The following STUM variants were observed in gnomAD, a reference collection of about 807,000 sequenced individuals.
The protein encoded by STUM is protein stum homolog.
A neutral mutation model predicts 15.3 loss-of-function variants in STUM; 8 were observed. The ratio of observed to expected loss-of-function variants is 0.52; its 90% CI spans 0.31 to 0.94. STUM has a LOEUF of 0.94. STUM is among the 40% of genes least tolerant of loss of function. The pLI is 0.05. For missense variants in STUM, 142 were observed against 204.9 expected (o/e 0.69, Z 1.87); for synonymous variants, 78 against 88.7 (o/e 0.88, Z 0.68).
intron 1 of STUM, among the ~76,000 whole-genome samples, chr1:226,595,732 G>A (rs1296752555): frequency 6.6e-6 from 1 of 152,224 alleles, no homozygotes; most frequent in Non-Finnish European, 1.5e-5. Flanking sequence ...AGAGGTCAGG[G>A]AGAAGGTGCT....
Position 226,607,181 on chromosome 1 carries a change from G to A in STUM, c.*5141G>A, listed in dbSNP as rs1320254853. The A allele has an allele frequency of 6.6e-6, 1 of 152,432 alleles. No individual in the cohort carries two copies. The highest frequency in any genetic ancestry group is 1.5e-5 in the Non-Finnish European group (1 of 68,102). 9.4% of individuals were successfully genotyped at this position (152,432 alleles called of 1,614,324 possible). A position where few individuals can be genotyped will look rare whatever the true frequency, so the allele number is the denominator to read the frequency against. On this transcript the variant is annotated 3_prime_UTR_variant, in exon 4 of 4. Coordinates refer to ENST00000366788, the MANE Select transcript of STUM (RefSeq NM_001003665.4). ...CTCAGCCTGAGCAGGTGGGTGCAAG[G>A]CTCAGGGGCCTGTGTTTTTCATCAA...
chr1:226,588,523 G>A (rs755780), intron 1 of STUM, among the ~76,000 whole-genome samples: 34,066 of 152,194 alleles, frequency 0.22, 4,035 homozygotes, highest in South Asian at 0.41. Context: ...AGCCTCCTCT[G>A]GTTTACTCAG....
Position 226,596,988 on chromosome 1 carries a change from A to G in STUM, c.382+7A>G. On this transcript the variant is annotated splice_region_variant and intron_variant, in intron 2 of 3. Transcript: ENST00000366788. ...GACATGGTCATCCTTGCCAGTGAGT[A>G]GCTGTTGGTGCTGCGCCTCCTGGGG... 1 of 1,613,928 alleles carries G rather than the reference A, an allele frequency of 6.2e-7. No homozygotes were observed. Among genetic ancestry groups the G allele is most frequent in the Non-Finnish European group, 8.5e-7 (1 of 1,179,814 alleles).
At position 226,608,317 on chromosome 1, in the gene STUM, G is replaced by A. The variant is rs776442918; in HGVS notation, c.*6277G>A. 2.6e-5 allele frequency: 4 copies of A among 152,246 alleles called. No homozygotes were observed. The highest frequency in any genetic ancestry group is 5.9e-5 in the Non-Finnish European group (4 of 68,050). The allele number at this position is 152,246 out of a possible 1,614,324, so 9.4% of individuals were successfully genotyped here. ...ATTGGATGTTTCAAGCAAGGGACAA[G>A]GTGATGGTGGCTGTAATAGGCTCCT... is the stretch of plus-strand genomic sequence containing the variant. On this transcript the variant is annotated 3_prime_UTR_variant, in exon 4 of 4. Coordinates refer to ENST00000366788, the MANE Select transcript of STUM (RefSeq NM_001003665.4). The surrounding 1 kb of genome is among the most constrained non-coding windows in gnomAD (Gnocchi z 4.0).
At chr1:226,563,515 G>C (rs1218663109) in intron 1 of STUM, among the ~76,000 whole-genome samples, 1 of 152,228 alleles carries the variant, frequency 6.6e-6, no homozygotes, top group Non-Finnish European at 1.5e-5. Context: ...AGTTCCAGGA[G>C]GCCGGGGTCA....
Position 226,602,662 on chromosome 1 carries a change from C to T in STUM, c.*622C>T, listed in dbSNP as rs940997932. ...TGGGCCTGCCTCCCTGACCGCACCC[C>T]CCGCCTCCTCGCAGCTGAAATCTGA... On this transcript the variant is annotated 3_prime_UTR_variant, in exon 4 of 4. Transcript: ENST00000366788. 6.6e-6 allele frequency: 1 copy of T among 152,498 alleles called. No homozygotes were observed. Among genetic ancestry groups the T allele is most frequent in the East Asian group, 1.9e-4 (1 of 5,190 alleles). 9.4% of individuals were successfully genotyped at this position (152,498 alleles called of 1,614,324 possible).
intron 1 of STUM, among the ~76,000 whole-genome samples, chr1:226,556,073 T>C (rs1383669701): frequency 1.3e-5 from 2 of 152,224 alleles, no homozygotes; most frequent in Non-Finnish European, 2.9e-5. Flanking sequence ...ACATCTCAAT[T>C]TGGACCTGTC....
chr1:226,582,966 A>G (rs2102702887), intron 1 of STUM, among the ~76,000 whole-genome samples: 1 of 152,300 alleles, frequency 6.6e-6, no homozygotes, highest in Admixed American at 6.5e-5. Context: ...TGGGCTCAGG[A>G]GGGCATTTCT....
chr1:226,583,168 G>T (rs1056285369), intron 1 of STUM, among the ~76,000 whole-genome samples: 2 of 151,958 alleles, frequency 1.3e-5, no homozygotes, highest in South Asian at 2.1e-4. Flanking sequence ...GCCAAGGAAA[G>T]TCCCAGGGCC....
At chr1:226,581,283 A>G (rs762792510) in intron 1 of STUM, among the ~76,000 whole-genome samples, 1 of 152,258 alleles carries the variant, frequency 6.6e-6, no homozygotes, top group Non-Finnish European at 1.5e-5. Flanking sequence ...GGGGACAGCT[A>G]GCAGTCTTCC....
chr1:226,599,209 C>T (rs566638302), intron 2 of STUM, among the ~76,000 whole-genome samples: 1 of 152,280 alleles, frequency 6.6e-6, no homozygotes, highest in South Asian at 2.1e-4. Flanking sequence ...ACAGCCAAAC[C>T]ATATCAGGGG....
intron 2 of STUM, among the ~76,000 whole-genome samples, chr1:226,598,501 T>C (rs1214411632): frequency 6.6e-6 from 1 of 152,224 alleles, no homozygotes; most frequent in Non-Finnish European, 1.5e-5. Flanking sequence ...TAGAGCTTTC[T>C]GGTACACTTG....
In STUM at chr1:226,602,298, A is replaced by G. The variant is rs966253074; in HGVS notation, c.*258A>G. ...CATCAGAGAGTGGGGTGGAGATGAG[A>G]ACGCCCACAGAGAGGCTGGGATGCT... On this transcript the variant is annotated 3_prime_UTR_variant, in exon 4 of 4. Coordinates refer to ENST00000366788, the MANE Select transcript of STUM (RefSeq NM_001003665.4). The G allele has an allele frequency of 9.8e-6, 5 of 509,590 alleles. No homozygotes were observed. The highest frequency in any genetic ancestry group is 9.6e-5 in the African/African-American group (5 of 52,078). The allele number at this position is 509,590 out of a possible 1,614,324, so 31.6% of individuals were successfully genotyped here. A position where few individuals can be genotyped will look rare whatever the true frequency, so the allele number is the denominator to read the frequency against.
chr1:226,591,688 C>G (rs1668087705), intron 1 of STUM, among the ~76,000 whole-genome samples: 2 of 152,216 alleles, frequency 1.3e-5, no homozygotes, highest in African/African-American at 4.8e-5. Context: ...CTCTAAGAAT[C>G]TCTGAGTTCA....
chr1:226,607,218 C>G lies in STUM; in HGVS notation c.*5178C>G, dbSNP rs1668376658. Reference sequence around the variant, plus strand: ...GTGTTTTTCATCAATCAGTTTTCTTCCTGCAAGATTCTTAGAGCTGGATGT... The same window carrying G: ...GTGTTTTTCATCAATCAGTTTTCTTGCTGCAAGATTCTTAGAGCTGGATGT... On this transcript the variant is annotated 3_prime_UTR_variant, in exon 4 of 4. Coordinates refer to ENST00000366788, the MANE Select transcript of STUM (RefSeq NM_001003665.4). 6.6e-6 allele frequency: 1 copy of G among 152,358 alleles called. No individual in the cohort carries two copies. The highest frequency in any genetic ancestry group is 6.5e-5 in the Admixed American group (1 of 15,278). The allele number at this position is 152,358 out of a possible 1,614,324, so 9.4% of individuals were successfully genotyped here.
intron 1 of STUM, among the ~76,000 whole-genome samples, chr1:226,556,438 T>C (rs588782): frequency 0.88 from 134,399 of 152,270 alleles, 59,323 homozygotes; most frequent in East Asian, 0.93. Flanking sequence ...GGATGGGCCA[T>C]CGGGGCCCAT....
intron 1 of STUM, among the ~76,000 whole-genome samples, chr1:226,562,002 G>A (rs561882416): frequency 2.0e-5 from 3 of 151,548 alleles, no homozygotes; most frequent in African/African-American, 7.3e-5. Context: ...TATGTCGGGT[G>A]GGGGGTGAGG....
intron 1 of STUM, among the ~76,000 whole-genome samples, chr1:226,558,719 G>A (rs897419911): frequency 1.3e-4 from 20 of 152,206 alleles, no homozygotes; most frequent in African/African-American, 4.8e-4. Flanking sequence ...GTGCACAAAT[G>A]TTCCATAGAC....
intron 1 of STUM, among the ~76,000 whole-genome samples, chr1:226,574,045 A>G (rs1410159555): frequency 6.6e-6 from 1 of 152,242 alleles, no homozygotes; most frequent in Non-Finnish European, 1.5e-5. Flanking sequence ...CATGTTGGTC[A>G]GGCTGGTCTC....
Sources: gnomAD v4.1 joint callset for allele counts (sites outside exome capture counted in the v4.1 genomes callset) on GRCh38, gnomAD v4.1.1 for gene constraint, Gnocchi (gnomAD v3.1) non-coding constraint, MANE v1.5 for transcripts, NCBI Gene and HGNC (gene_info 2026-07-23, HGNC 2026-07-21) for gene names.